The following DCDC2 variants were observed in gnomAD, a reference collection of about 807,000 sequenced individuals.
DCDC2 encodes doublecortin domain-containing protein 2.
DCDC2 carries 40 observed loss-of-function variants against 50.2 expected under a neutral mutation model. The ratio of observed to expected loss-of-function variants is 0.80; its 90% CI spans 0.62 to 1.04. The LOEUF (loss-of-function observed/expected upper bound fraction) is 1.04. Among genes scored for constraint, DCDC2 ranks in the 50% least tolerant of loss-of-function variants. The pLI is 0.00. For synonymous variants in DCDC2, 234 were observed against 210.6 expected (o/e 1.11, Z -0.96); for missense variants, 570 against 581.9 (o/e 0.98, Z 0.21).
At chr6:24,194,553 A>G (rs1315590489) in intron 8 of DCDC2, among the ~76,000 whole-genome samples, 2 of 152,224 alleles carry the variant, frequency 1.3e-5, no homozygotes, top group South Asian at 2.1e-4. Flanking sequence ...TTTCATAGTT[A>G]CTGGTCTGTG....
At chr6:24,347,164 A>G (rs769648100) in intron 2 of DCDC2, among the ~76,000 whole-genome samples, 4 of 152,216 alleles carry the variant, frequency 2.6e-5, no homozygotes, top group Non-Finnish European at 4.4e-5. Context: ...CCTCTGACTC[A>G]TTATCAATAA....
At chr6:24,265,762 AC>A (rs1763104623) in intron 7 of DCDC2, among the ~76,000 whole-genome samples, 1 of 152,044 alleles carries the variant, frequency 6.6e-6, no homozygotes, top group African/African-American at 2.4e-5. Flanking sequence ...CGAAGGCAGT[AC>A]TAAGAGGAAA....
At chr6:24,226,504 C>G (rs1187279589) in intron 7 of DCDC2, among the ~76,000 whole-genome samples, 6 of 152,124 alleles carry the variant, frequency 3.9e-5, no homozygotes, top group Non-Finnish European at 8.8e-5. Flanking sequence ...GACTTGCATC[C>G]AAAAGAGACA....
At position 24,289,479 on chromosome 6, in the gene DCDC2, TAGA is replaced by T. The variant is rs146905148; in HGVS notation, c.705-576_705-574del. Among the ~76,000 whole-genome samples the T allele has an allele frequency of 8.6e-3, 1,315 of 152,252 alleles. 9 individuals carry two copies. The highest frequency in any genetic ancestry group is 0.016 in the African/African-American group (678 of 41,552). The stretch of plus-strand genomic sequence containing the variant: ...AAACCCAACTGAATCTCTCCAAAAA[TAGA>T]AGGACACATATATAAAAAAAATTCT... On this transcript the variant is annotated intron_variant, in intron 5 of 9. Transcript: ENST00000378454.
intron 7 of DCDC2, among the ~76,000 whole-genome samples, chr6:24,210,353 A>G (rs1310732793): frequency 1.3e-5 from 2 of 152,110 alleles, no homozygotes; most frequent in African/African-American, 4.8e-5. Context: ...TTCACCTTGG[A>G]TGTCCAATAG....
chr6:24,327,937 C>G (rs1759903707), intron 2 of DCDC2, among the ~76,000 whole-genome samples: 1 of 152,096 alleles, frequency 6.6e-6, no homozygotes, highest in Non-Finnish European at 1.5e-5. Context: ...TTCTTTGATG[C>G]CCAACATGTG....
At chr6:24,341,736 C>T (rs1446301299) in intron 2 of DCDC2, among the ~76,000 whole-genome samples, 3 of 152,124 alleles carry the variant, frequency 2.0e-5, no homozygotes, top group Non-Finnish European at 4.4e-5. Flanking sequence ...ATTTAGGGAA[C>T]AGTCTGGGGC....
intron 7 of DCDC2, among the ~76,000 whole-genome samples, chr6:24,262,694 C>G (rs966468160): frequency 2.0e-5 from 3 of 152,230 alleles, no homozygotes; most frequent in African/African-American, 7.2e-5. Context: ...GGGTGCCAGG[C>G]AGAGCCCTGA....
the DCDC2 span, among the ~76,000 whole-genome samples, chr6:24,376,949 T>A: frequency 6.1e-3 from 934 of 152,268 alleles, 14 homozygotes; most frequent in African/African-American, 0.02. Context: ...GGGATCTGAA[T>A]AATGAGATTC....
chr6:24,287,291 C>T (rs1055103668), intron 6 of DCDC2, among the ~76,000 whole-genome samples: 13 of 152,202 alleles, frequency 8.5e-5, no homozygotes. Context: ...GATGCAATTC[C>T]TCCCCTCCTC....
At chr6:24,187,351 C>T (rs1181677083) in intron 8 of DCDC2, among the ~76,000 whole-genome samples, 3 of 152,112 alleles carry the variant, frequency 2.0e-5, no homozygotes, top group Non-Finnish European at 4.4e-5. Flanking sequence ...TCATGCTGTT[C>T]CTTATACCTT....
chr6:24,357,873 T>A lies in DCDC2; in HGVS notation c.-123A>T. 6 of 1,573,994 alleles carry A rather than the reference T, an allele frequency of 3.8e-6. No individual in the cohort carries two copies. Among genetic ancestry groups the A allele is most frequent in the Non-Finnish European group, 5.2e-6 (6 of 1,159,202 alleles). The stretch of plus-strand genomic sequence containing the variant: ...CTGAAACGAACGAGAAACTGACGAA[T>A]CCACAGGTGAAAGAGAAGTAACGGC... On this transcript the variant is annotated 5_prime_UTR_variant, in exon 1 of 10. Transcript: ENST00000378454.
chr6:24,310,686 T>A (rs1391185302), intron 2 of DCDC2, among the ~76,000 whole-genome samples: 1 of 152,234 alleles, frequency 6.6e-6, no homozygotes, highest in Non-Finnish European at 1.5e-5. Context: ...GCTGGATATG[T>A]CTAATGCTTT....
intron 8 of DCDC2, among the ~76,000 whole-genome samples, chr6:24,194,537 T>C (rs1302510960): frequency 6.6e-6 from 1 of 152,224 alleles, no homozygotes; most frequent in Non-Finnish European, 1.5e-5. Context: ...ATTGTGTATT[T>C]GGTTATTTCA....
intron 7 of DCDC2, among the ~76,000 whole-genome samples, chr6:24,225,764 A>C (rs1347414725): frequency 6.6e-6 from 1 of 152,242 alleles, no homozygotes; most frequent in Non-Finnish European, 1.5e-5. Flanking sequence ...GATAGGTCTG[A>C]AATTATTTTT....
At chr6:24,195,277 T>C (rs1761407906) in intron 8 of DCDC2, among the ~76,000 whole-genome samples, 1 of 152,178 alleles carries the variant, frequency 6.6e-6, no homozygotes, top group African/African-American at 2.4e-5. Flanking sequence ...AAGACCCAAT[T>C]CCCACAATGA....
intron 7 of DCDC2, among the ~76,000 whole-genome samples, chr6:24,209,388 G>T (rs1581587776): frequency 6.6e-6 from 1 of 152,158 alleles, no homozygotes; most frequent in African/African-American, 2.4e-5. Flanking sequence ...AGCAACATCA[G>T]CTATTCTACC....
the DCDC2 span, among the ~76,000 whole-genome samples, chr6:24,372,418 CAA>C: frequency 1.5e-5 from 2 of 131,758 alleles, no homozygotes; most frequent in Admixed American, 7.6e-5. Context: ...GTCTCCGTCT[CAA>C]AAAAAAAAAA....
chr6:24,181,220 G>A (rs1761063979), intron 8 of DCDC2, among the ~76,000 whole-genome samples: 1 of 152,194 alleles, frequency 6.6e-6, no homozygotes, highest in Non-Finnish European at 1.5e-5. Flanking sequence ...GCCAGCTGGT[G>A]CTAAAAGGCA....
Sources: gnomAD v4.1 joint callset for allele counts (sites outside exome capture counted in the v4.1 genomes callset) on GRCh38, gnomAD v4.1.1 for gene constraint, MANE v1.5 for transcripts, NCBI Gene and HGNC (gene_info 2026-07-23, HGNC 2026-07-21) for gene names.